Variants in COL25A1 observed in about 807,000 individuals in gnomAD.
The protein encoded by COL25A1 is collagen alpha-1(XXV) chain.
A neutral mutation model predicts 128.4 loss-of-function variants in COL25A1; 103 were observed. That is an observed-to-expected ratio of 0.80 (90% CI 0.68 to 0.94). The LOEUF (loss-of-function observed/expected upper bound fraction) is 0.94, where lower values mean the gene tolerates loss of function less well. Among genes scored for constraint, COL25A1 ranks in the 40% least tolerant of loss-of-function variants. The pLI is 0.00. For missense variants in COL25A1, 745 were observed against 840.0 expected (o/e 0.89, Z 1.40); for synonymous variants, 279 against 277.2 (o/e 1.01, Z -0.06).
chr4:109,077,050 T>C (rs548448890), intron 3 of COL25A1, among the ~76,000 whole-genome samples: 35 of 152,276 alleles, frequency 2.3e-4, no homozygotes, highest in African/African-American at 8.2e-4. Context: ...TGGGGACCTC[T>C]GCAGTAAAGG....
At chr4:109,011,771 A>T (rs1756615629) in intron 5 of COL25A1, among the ~76,000 whole-genome samples, 1 of 152,200 alleles carries the variant, frequency 6.6e-6, no homozygotes, top group African/African-American at 2.4e-5. Context: ...TTACATACAG[A>T]CTTGTTCAGA....
At chr4:109,055,309 T>C (rs1445930323) in intron 3 of COL25A1, among the ~76,000 whole-genome samples, 1 of 152,238 alleles carries the variant, frequency 6.6e-6, no homozygotes, top group Non-Finnish European at 1.5e-5. Context: ...GCTCAGAACC[T>C]GGACCATCAG....
intron 3 of COL25A1, among the ~76,000 whole-genome samples, chr4:109,192,412 G>C (rs1438061417): frequency 1.3e-5 from 2 of 152,166 alleles, no homozygotes; most frequent in African/African-American, 4.8e-5. Context: ...AGGCTGAGTT[G>C]TGCCCCTCCC....
At chr4:109,165,714 CA>C (rs1773008449) in intron 3 of COL25A1, among the ~76,000 whole-genome samples, 1 of 151,786 alleles carries the variant, frequency 6.6e-6, no homozygotes, top group Non-Finnish European at 1.5e-5. Flanking sequence ...AATACTGTCT[CA>C]AAAAAGATAA....
chr4:108,979,171 A>T lies in COL25A1; in HGVS notation c.439-4612T>A, dbSNP rs372785164. Among the ~76,000 whole-genome samples, 48 of 152,334 alleles carry T rather than the reference A, an allele frequency of 3.2e-4. No individual in the cohort carries two copies. In the South Asian group the frequency reaches 1.0e-2, roughly 32 times the overall value. On this transcript the variant is annotated intron_variant, in intron 6 of 37. Transcript: ENST00000399132. ...AACGGCTTTACATTCAGAGTTTGCAAGAACCACCCTTCTATTTGTAAAAAG... is the reference window on the plus strand; with the variant it reads ...AACGGCTTTACATTCAGAGTTTGCATGAACCACCCTTCTATTTGTAAAAAG...
At chr4:109,181,158 G>C (rs1056011921) in intron 3 of COL25A1, among the ~76,000 whole-genome samples, 1 of 152,078 alleles carries the variant, frequency 6.6e-6, no homozygotes, top group Non-Finnish European at 1.5e-5. Flanking sequence ...CTGATAGCCT[G>C]TTCTACTTTA....
At chr4:109,258,701 A>C (rs985056919) in intron 3 of COL25A1, among the ~76,000 whole-genome samples, 1 of 152,212 alleles carries the variant, frequency 6.6e-6, no homozygotes, top group Non-Finnish European at 1.5e-5. Context: ...AGATTTAAAC[A>C]CAAGTAATAT....
intron 3 of COL25A1, among the ~76,000 whole-genome samples, chr4:109,167,483 T>C (rs145579194): frequency 6.6e-6 from 1 of 152,278 alleles, no homozygotes; most frequent in Non-Finnish European, 1.5e-5. Context: ...ATACTTACTG[T>C]GCCAGGCATT....
intron 36 of COL25A1, among the ~76,000 whole-genome samples, chr4:108,818,159 C>T (rs1188571195): frequency 1.3e-5 from 2 of 152,084 alleles, no homozygotes; most frequent in African/African-American, 2.4e-5. Flanking sequence ...AGAGTTGGTA[C>T]ATCAAGAAGG....
At position 109,044,088 on chromosome 4, in the gene COL25A1, AGTGTGTGTGTGTGT is replaced by A. The variant is rs142400635; in HGVS notation, c.420+4066_420+4079del. ...CATTTTTAGCAGAGACTCCTCTGAT[AGTGTGTGTGTGTGT>A]GTGTGTGTGTGTGTATGTATGTATA... On this transcript the variant is annotated intron_variant, in intron 5 of 37. Coordinates refer to ENST00000399132, the MANE Select transcript of COL25A1 (RefSeq NM_198721.4). 9.9e-3 allele frequency among the ~76,000 whole-genome samples: 1,477 copies of A among 149,674 alleles called. 27 individuals are homozygous for A. Among genetic ancestry groups the A allele is most frequent in the African/African-American group, 0.034 (1,402 of 41,150 alleles).
chr4:109,287,035 A>G (rs1175132311), intron 3 of COL25A1, among the ~76,000 whole-genome samples: 1 of 152,224 alleles, frequency 6.6e-6, no homozygotes, highest in Admixed American at 6.5e-5. Flanking sequence ...GCATTTCTGC[A>G]AAGTATCATA....
At chr4:108,883,064 C>T (rs1464163152) in intron 19 of COL25A1, among the ~76,000 whole-genome samples, 3 of 151,964 alleles carry the variant, frequency 2.0e-5, no homozygotes, top group Non-Finnish European at 1.5e-5. Flanking sequence ...TTTTTAGAGA[C>T]GGAATAGCAC....
At chr4:108,972,710 G>A (rs1272221210) in intron 8 of COL25A1, among the ~76,000 whole-genome samples, 2 of 152,118 alleles carry the variant, frequency 1.3e-5, no homozygotes, top group Non-Finnish European at 2.9e-5. Flanking sequence ...TGCTAAATGG[G>A]CTCTGAATTG....
intron 31 of COL25A1, among the ~76,000 whole-genome samples, chr4:108,835,356 TTC>T (rs1323195662): frequency 6.6e-6 from 1 of 152,198 alleles, no homozygotes; most frequent in Non-Finnish European, 1.5e-5. Context: ...GCCCTAAAAA[TTC>T]TATTGTCAAG....
chr4:108,966,628 T>G (rs1056024981), intron 8 of COL25A1, among the ~76,000 whole-genome samples: 8 of 152,022 alleles, frequency 5.3e-5, no homozygotes, highest in Admixed American at 5.2e-4. Flanking sequence ...GGTAGGCACA[T>G]CACTTGAGTC....
At chr4:108,981,127 T>C (rs1752929172) in intron 6 of COL25A1, among the ~76,000 whole-genome samples, 1 of 152,168 alleles carries the variant, frequency 6.6e-6, no homozygotes, top group African/African-American at 2.4e-5. Flanking sequence ...ACATTGCAAA[T>C]AGTATTAACA....
intron 5 of COL25A1, among the ~76,000 whole-genome samples, chr4:109,013,654 C>T (rs946316802): frequency 1.3e-5 from 2 of 151,780 alleles, no homozygotes; most frequent in Non-Finnish European, 1.5e-5. Flanking sequence ...CAACTCTGAA[C>T]GGAAGGAATG....
At chr4:109,153,305 C>T (rs938013986) in intron 3 of COL25A1, among the ~76,000 whole-genome samples, 3 of 149,606 alleles carry the variant, frequency 2.0e-5, no homozygotes, top group Non-Finnish European at 4.4e-5. Context: ...GAATCAAACC[C>T]GGGAGGCAGA....
chr4:108,915,195 T>A (rs1744725725), intron 13 of COL25A1, among the ~76,000 whole-genome samples: 1 of 152,198 alleles, frequency 6.6e-6, no homozygotes, highest in Non-Finnish European at 1.5e-5. Flanking sequence ...CAAAAATAAG[T>A]ATTCAGATTA....
Sources: gnomAD v4.1 joint callset for allele counts (sites outside exome capture counted in the v4.1 genomes callset) on GRCh38, gnomAD v4.1.1 for gene constraint, MANE v1.5 for transcripts, NCBI Gene and HGNC (gene_info 2026-07-23, HGNC 2026-07-21) for gene names.